The following TYW1 variants were observed in gnomAD, a reference collection of about 807,000 sequenced individuals.
TYW1 encodes the protein tRNA-yW synthesizing protein 1 homolog.
In TYW1, 46 loss-of-function variants were observed where a neutral mutation model predicts 96.2. The observed-to-expected ratio is 0.48, with a 90% CI of 0.38 to 0.61. TYW1 has a LOEUF of 0.61. Among genes scored for constraint, TYW1 ranks in the 20% least tolerant of loss-of-function variants. TYW1 has a pLI of 0.00. For missense variants in TYW1, 684 were observed against 909.6 expected, an observed-to-expected ratio of 0.75 and a Z score of 3.19; for synonymous variants, 274 against 323.0, an observed-to-expected ratio of 0.85 and a Z score of 1.63.
At chr7:67,064,792 A>T (rs772730581) in intron 9 of TYW1, among the ~76,000 whole-genome samples, 1 of 152,210 alleles carries the variant, frequency 6.6e-6, no homozygotes, top group Non-Finnish European at 1.5e-5. Context: ...TTCAAGTTCC[A>T]TGGTGAAATT....
At chr7:67,069,144 G>A (rs917166997) in intron 10 of TYW1, among the ~76,000 whole-genome samples, 1 of 152,002 alleles carries the variant, frequency 6.6e-6, no homozygotes, top group African/African-American at 2.4e-5. Flanking sequence ...TGATTTGGGG[G>A]TGATTTTGTT....
At chr7:67,074,009 G>A (rs960024328) in intron 10 of TYW1, among the ~76,000 whole-genome samples, 1 of 149,376 alleles carries the variant, frequency 6.7e-6, no homozygotes, top group African/African-American at 2.5e-5. Flanking sequence ...GTGAACCCAG[G>A]AGGTGGAGCT....
In TYW1 at chr7:67,125,314, G is replaced by A. The variant is rs374962396; in HGVS notation, c.1698+7696G>A. On this transcript the variant is annotated intron_variant, in intron 13 of 15. Coordinates refer to ENST00000359626, the MANE Select transcript of TYW1 (RefSeq NM_018264.4). ...TATGTTTTCCTCTTTCAGAAGTGTT[G>A]TTATTATTATTTTTCAATTTGGTCT... 2.0e-4 allele frequency among the ~76,000 whole-genome samples: 30 copies of A among 151,532 alleles called. No homozygotes were observed. In the East Asian group the frequency reaches 5.0e-3, roughly 25 times the overall value.
intron 10 of TYW1, among the ~76,000 whole-genome samples, chr7:67,074,334 A>G (rs1014188968): frequency 6.6e-6 from 1 of 152,164 alleles, no homozygotes; most frequent in African/African-American, 2.4e-5. Flanking sequence ...GATTGTTGGC[A>G]TAAGTAGTTG....
intron 15 of TYW1, among the ~76,000 whole-genome samples, chr7:67,196,080 G>C (rs1800384462): frequency 6.6e-6 from 1 of 151,084 alleles, no homozygotes; most frequent in African/African-American, 2.4e-5. Flanking sequence ...TGTATTTTTT[G>C]TGCTTTTGTC....
intron 7 of TYW1, among the ~76,000 whole-genome samples, chr7:67,025,249 A>G (rs1232165628): frequency 6.6e-6 from 1 of 152,074 alleles, no homozygotes; most frequent in Non-Finnish European, 1.5e-5. Context: ...AGATTTGAGA[A>G]CAAGGACTGA....
chr7:67,203,469 A>G (rs182747553), intron 15 of TYW1, among the ~76,000 whole-genome samples: 1 of 152,192 alleles, frequency 6.6e-6, no homozygotes, highest in African/African-American at 2.4e-5. Context: ...GTTGATTTAC[A>G]TATTACATTA....
At chr7:67,084,032 T>G (rs1445338495) in intron 11 of TYW1, among the ~76,000 whole-genome samples, 1 of 152,242 alleles carries the variant, frequency 6.6e-6, no homozygotes, top group African/African-American at 2.4e-5. Flanking sequence ...CGAAACTCCA[T>G]CTCAGAAATA....
At chr7:67,219,293 TG>T (rs1801305438) in intron 15 of TYW1, among the ~76,000 whole-genome samples, 1 of 152,176 alleles carries the variant, frequency 6.6e-6, no homozygotes, top group South Asian at 2.1e-4. Context: ...TTTGGCTTGC[TG>T]GTGTTTTGAG....
intron 7 of TYW1, among the ~76,000 whole-genome samples, chr7:67,046,332 TG>T (rs1489955697): frequency 2.0e-5 from 3 of 152,136 alleles, no homozygotes; most frequent in African/African-American, 7.2e-5. Context: ...TTGGGCACAC[TG>T]GGTTCATCTG....
chr7:67,029,417 A>ATG (rs1358642355), intron 7 of TYW1, among the ~76,000 whole-genome samples: 33 of 103,352 alleles, frequency 3.2e-4, no homozygotes, highest in Admixed American at 2.3e-4. Context: ...GTGTGTGTGT[A>ATG]TATATATATA....
intron 15 of TYW1, among the ~76,000 whole-genome samples, chr7:67,206,701 A>G (rs1800813007): frequency 6.6e-6 from 1 of 152,144 alleles, no homozygotes. Context: ...GACAAGGGAA[A>G]GAAGCAGAAA....
intron 13 of TYW1, among the ~76,000 whole-genome samples, chr7:67,138,181 G>A (rs1234218476): frequency 1.3e-5 from 2 of 152,280 alleles, no homozygotes; most frequent in African/African-American, 4.8e-5. Context: ...TCTGTATGAT[G>A]CCCACAGGGA....
chr7:67,104,323 G>A (rs1254612694), intron 12 of TYW1, among the ~76,000 whole-genome samples: 1 of 152,146 alleles, frequency 6.6e-6, no homozygotes, highest in Non-Finnish European at 1.5e-5. Flanking sequence ...GGAGGCCTCA[G>A]GAAACTTAAA....
chr7:67,216,083 T>A (rs1801190751), intron 15 of TYW1, among the ~76,000 whole-genome samples: 1 of 151,788 alleles, frequency 6.6e-6, no homozygotes, highest in Non-Finnish European at 1.5e-5. Flanking sequence ...CTGTTCTTTT[T>A]CCTTTCTGTA....
intron 7 of TYW1, among the ~76,000 whole-genome samples, chr7:67,040,311 A>C (rs1247839826): frequency 1.3e-5 from 2 of 151,978 alleles, no homozygotes; most frequent in Admixed American, 1.3e-4. Flanking sequence ...TGTGCTTTCA[A>C]GTTTTCTGCT....
chr7:67,148,711 G>A (rs1327479167), intron 13 of TYW1, among the ~76,000 whole-genome samples: 1 of 152,094 alleles, frequency 6.6e-6, no homozygotes, highest in Middle Eastern at 3.2e-3. Flanking sequence ...GATTACAGGC[G>A]TGAGCCACTG....
intron 14 of TYW1, among the ~76,000 whole-genome samples, chr7:67,191,477 A>G (rs1168658895): frequency 6.6e-6 from 1 of 151,686 alleles, no homozygotes; most frequent in Non-Finnish European, 1.5e-5. Flanking sequence ...CGCTGTACCC[A>G]TCTATTTTCT....
At chr7:67,043,412 G>A (rs1464052385) in intron 7 of TYW1, among the ~76,000 whole-genome samples, 1 of 147,342 alleles carries the variant, frequency 6.8e-6, no homozygotes, top group Non-Finnish European at 1.5e-5. Flanking sequence ...AATCCCCACA[G>A]CAATGTTCTG....
Sources: gnomAD v4.1 joint callset for allele counts (sites outside exome capture counted in the v4.1 genomes callset) on GRCh38, gnomAD v4.1.1 for gene constraint, MANE v1.5 for transcripts, NCBI Gene and HGNC (gene_info 2026-07-23, HGNC 2026-07-21) for gene names.